EHMT1: variants seen among roughly 807,000 people sequenced by gnomAD.
EHMT1 encodes the protein histone-lysine N-methyltransferase EHMT1.
A neutral mutation model predicts 147.2 loss-of-function variants in EHMT1; 15 were observed. The observed-to-expected ratio is 0.10, with a 90% CI of 0.07 to 0.16. The LOEUF is 0.16. Among genes scored for constraint, EHMT1 ranks in the 10% least tolerant of loss-of-function variants. The pLI is 1.00. For synonymous variants in EHMT1, 795 were observed against 709.6 expected (o/e 1.12, Z -1.91); for missense variants, 1,587 against 1,772.4 (o/e 0.90, Z 1.88).
At chr9:137,780,698 C>T (rs1483571710) in intron 14 of EHMT1, among the ~76,000 whole-genome samples, 18 of 48,050 alleles carry the variant, frequency 3.7e-4, no homozygotes, top group East Asian at 5.7e-4. Context: ...GTGATGACGC[C>T]GAGACGTGTG....
chr9:137,721,717 A>T (rs1433830750), intron 3 of EHMT1, among the ~76,000 whole-genome samples: 1 of 151,922 alleles, frequency 6.6e-6, no homozygotes, highest in Non-Finnish European at 1.5e-5. Context: ...ATCTTTGGTG[A>T]AATGTCTTTC....
rs892655961 is a variant in EHMT1, at chr9:137,780,142, G to C, written c.2275+425G>C. 3.4e-5 allele frequency among the ~76,000 whole-genome samples: 5 copies of C among 147,316 alleles called. No individual in the cohort carries two copies. The East Asian group carries it at 8.0e-4, about 24-fold the overall frequency. ...TGTGGTGATGACGCTGAGATGTGTG[G>C]TGATGACGCTGAGATGTGTGGTGAT... On this transcript the variant is annotated intron_variant, in intron 14 of 26. Coordinates refer to ENST00000460843, the MANE Select transcript of EHMT1 (RefSeq NM_024757.5).
At chr9:137,719,356 C>T (rs902054390) in intron 3 of EHMT1, among the ~76,000 whole-genome samples, 1 of 152,094 alleles carries the variant, frequency 6.6e-6, no homozygotes. Flanking sequence ...TGGGGCTGGA[C>T]TGCTGGCTCC....
chr9:137,808,388 T>G (rs1954128267), intron 18 of EHMT1, among the ~76,000 whole-genome samples: 1 of 152,146 alleles, frequency 6.6e-6, no homozygotes, highest in South Asian at 2.1e-4. Flanking sequence ...CCTCACAGAC[T>G]CGCCTCTCAG....
At chr9:137,647,892 C>T (rs1043072621) in intron 1 of EHMT1, among the ~76,000 whole-genome samples, 3 of 152,174 alleles carry the variant, frequency 2.0e-5, no homozygotes, top group Non-Finnish European at 2.9e-5. Flanking sequence ...CCACCGCGCC[C>T]GGCCGCATCT....
chr9:137,684,536 T>C (rs1942256772), intron 1 of EHMT1, among the ~76,000 whole-genome samples: 1 of 152,066 alleles, frequency 6.6e-6, no homozygotes, highest in Admixed American at 6.6e-5. Context: ...CTGTCACCCA[T>C]GTTGGAGTGC....
chr9:137,778,482 C>G (rs1222453400), intron 13 of EHMT1, among the ~76,000 whole-genome samples: 1 of 152,120 alleles, frequency 6.6e-6, no homozygotes. Flanking sequence ...CCTCCTCGTC[C>G]TCCTCTCAGC....
intron 10 of EHMT1, among the ~76,000 whole-genome samples, chr9:137,769,893 G>C (rs1950484113): frequency 6.6e-6 from 1 of 152,024 alleles, no homozygotes; most frequent in Admixed American, 6.6e-5. Flanking sequence ...CTGGAGTTCA[G>C]TGGCATGAAC....
chr9:137,635,424 A>G (rs999305941), intron 1 of EHMT1, among the ~76,000 whole-genome samples: 1 of 149,578 alleles, frequency 6.7e-6, no homozygotes, highest in South Asian at 2.1e-4. Context: ...ACCATGTTGG[A>G]CAGGCTGGTC....
intron 6 of EHMT1, among the ~76,000 whole-genome samples, chr9:137,749,838 A>C (rs1238919051): frequency 6.6e-6 from 1 of 152,234 alleles, no homozygotes; most frequent in African/African-American, 2.4e-5. Flanking sequence ...TTTTAAAATA[A>C]GAAACCTGTC....
Position 137,811,551 on chromosome 9 carries a change from G to T in EHMT1, c.2803G>T (p.Val935Leu), listed in dbSNP as rs762121901. ...GGCTGCCAAGTGCGACCTCCACGCC[G>T]TGAACATCCACGGAGACTCGCCACT... is the stretch of plus-strand genomic sequence containing the variant. The part of the protein sequence containing the change: ...LLAAKCDLHA[V>L]NIHGDSPLHI... Residue 935 changes from valine to leucine, a missense_variant, in exon 19 of 27, where the codon GTG (valine) becomes TTG (leucine). This residue lies in a region of EHMT1 where 201 missense variants were observed against 350.1 expected (regional missense o/e 0.57). Coordinates refer to ENST00000460843, the MANE Select transcript of EHMT1 (RefSeq NM_024757.5). The T allele has an allele frequency of 2.5e-6, 4 of 1,608,988 alleles. No homozygotes were observed. Among genetic ancestry groups the T allele is most frequent in the Non-Finnish European group, 3.4e-6 (4 of 1,180,016 alleles).
chr9:137,732,166 C>T lies in EHMT1; in HGVS notation c.823+3637C>T, dbSNP rs889077458. On this transcript the variant is annotated intron_variant, in intron 4 of 26. Transcript: ENST00000460843. This position sits in a 1 kb window ranked among gnomAD's most constrained non-coding sequence, Gnocchi z 4.6. ...GCTGCTTGCCATCACACGGGGCAGC[C>T]GCCGACACCAGCGGAGGGCAGGAGG... Among the ~76,000 whole-genome samples the T allele has an allele frequency of 5.3e-5, 8 of 152,206 alleles. No homozygotes were observed. The highest frequency in any genetic ancestry group is 1.9e-4 in the African/African-American group (8 of 41,444).
At chr9:137,783,968 G>T in intron 15 of EHMT1, 1 of 430,682 alleles carries the variant, frequency 2.3e-6, no homozygotes. Context: ...ATTTTAATAG[G>T]AACTTTTAGT....
chr9:137,739,356 A>T (rs1158550973), intron 4 of EHMT1, among the ~76,000 whole-genome samples: 2 of 105,296 alleles, frequency 1.9e-5, no homozygotes, highest in Non-Finnish European at 3.5e-5. Flanking sequence ...ACTCAGTCTC[A>T]AAAAAAAAAA....
At chr9:137,706,661 A>G (rs1944295667) in intron 1 of EHMT1, among the ~76,000 whole-genome samples, 1 of 151,590 alleles carries the variant, frequency 6.6e-6, no homozygotes. Context: ...TAATTTTTGT[A>G]TTTTTAGTGG....
At chr9:137,661,178 C>T (rs1939037561) in intron 1 of EHMT1, among the ~76,000 whole-genome samples, 1 of 152,094 alleles carries the variant, frequency 6.6e-6, no homozygotes, top group Non-Finnish European at 1.5e-5. Flanking sequence ...CCCATAGGTC[C>T]TTTTACCCAG....
At chr9:137,626,885 G>T (rs1451102432) in intron 1 of EHMT1, among the ~76,000 whole-genome samples, 1 of 150,764 alleles carries the variant, frequency 6.6e-6, no homozygotes, top group South Asian at 2.1e-4. Flanking sequence ...TCCTAGGTTC[G>T]AGCAATTCTG....
intron 10 of EHMT1, among the ~76,000 whole-genome samples, chr9:137,771,129 TTC>T (rs780589783): frequency 1.3e-5 from 2 of 152,026 alleles, no homozygotes; most frequent in Non-Finnish European, 2.9e-5. Flanking sequence ...TTCTGAAGTG[TTC>T]TCTCTCATGT....
Position 137,707,871 on chromosome 9 carries a change from C to A in EHMT1, c.22-3096C>A, listed in dbSNP as rs561299018. The stretch of plus-strand genomic sequence containing the variant: ...ACAAGGTCTGCCCTGCCATGCTCCA[C>A]CCCGGCTCATCTCAGGCCAGGAGAC... On this transcript the variant is annotated intron_variant, in intron 1 of 26. Coordinates refer to ENST00000460843, the MANE Select transcript of EHMT1 (RefSeq NM_024757.5). Among the ~76,000 whole-genome samples the A allele has an allele frequency of 4.6e-5, 7 of 152,228 alleles. No individual in the cohort carries two copies. In the East Asian group the frequency reaches 1.4e-3, roughly 29 times the overall value.
Sources: allele counts gnomAD v4.1 joint callset (sites outside exome capture counted in the v4.1 genomes callset), GRCh38; gene constraint gnomAD v4.1.1; regional missense constraint gnomAD v4.1.1; non-coding constraint Gnocchi (gnomAD v3.1); transcripts MANE v1.5; gene names NCBI Gene and HGNC (gene_info 2026-07-23, HGNC 2026-07-21).